TRIM36: variants seen among roughly 807,000 people sequenced by gnomAD.
The protein encoded by TRIM36 is E3 ubiquitin-protein ligase TRIM36.
Under a neutral mutation model 72.4 loss-of-function variants are expected in TRIM36, and 42 were observed. That is an observed-to-expected ratio of 0.58 (90% confidence interval 0.45 to 0.75). The LOEUF (loss-of-function observed/expected upper bound fraction) is 0.75. Ranked by LOEUF, TRIM36 falls within the 30% of genes least tolerant of loss-of-function variation. The probability of loss-of-function intolerance (pLI) is 0.00; values close to 1 mark genes in which losing one functional copy is unlikely to be tolerated. For synonymous variants in TRIM36, 315 were observed against 282.8 expected (o/e 1.11, Z -1.14); for missense variants, 913 against 857.1 (o/e 1.07, Z -0.81).
chr5:115,145,435 T>G (rs539159048), intron 3 of TRIM36, among the ~76,000 whole-genome samples: 1 of 152,224 alleles, frequency 6.6e-6, no homozygotes, highest in Non-Finnish European at 1.5e-5. Context: ...TAAGTTAGTA[T>G]GTTAATAAAA....
At chr5:115,157,431 G>A (rs1754234279) in intron 2 of TRIM36, among the ~76,000 whole-genome samples, 2 of 152,134 alleles carry the variant, frequency 1.3e-5, no homozygotes, top group Non-Finnish European at 2.9e-5. Context: ...AGATGTGGTG[G>A]TGCTCACTTG....
At chr5:115,165,110 G>A (rs1204922096) in intron 1 of TRIM36, among the ~76,000 whole-genome samples, 1 of 152,230 alleles carries the variant, frequency 6.6e-6, no homozygotes, top group African/African-American at 2.4e-5. Context: ...CCACCCCTGT[G>A]GCTTTGCAGG....
chr5:115,168,092 A>G (rs931276573), intron 1 of TRIM36, among the ~76,000 whole-genome samples: 3 of 152,052 alleles, frequency 2.0e-5, no homozygotes, highest in Non-Finnish European at 4.4e-5. Context: ...CGATCCAATC[A>G]CCTCCCACCA....
At position 115,137,446 on chromosome 5, in the gene TRIM36, A is replaced by G. The variant is rs777285356; in HGVS notation, c.1002T>C (p.Asn334=). The G allele has an allele frequency of 3.1e-6, 5 of 1,614,038 alleles. No homozygotes were observed. The highest frequency in any genetic ancestry group is 4.2e-6 in the Non-Finnish European group (5 of 1,180,034). The part of the protein sequence containing the change: ...MEEYQGLLEN[N]GLVGYAQEVL... Reference sequence around the variant, plus strand: ...CTTCTTGAGCATATCCCACAAGTCCATTGTTCTCTAGAAGTCCCTGGTACT... The same window carrying G: ...CTTCTTGAGCATATCCCACAAGTCCGTTGTTCTCTAGAAGTCCCTGGTACT... Residue 334 remains asparagine (N), a synonymous_variant, in exon 6 of 10, where the codon AAT becomes AAC. Coordinates refer to ENST00000513154, the MANE Select transcript of TRIM36 (RefSeq NM_001300759.2).
At position 115,133,851 on chromosome 5, in the gene TRIM36, T is replaced by G; in HGVS notation, c.1498+9A>C. 1.3e-6 allele frequency: 2 copies of G among 1,563,532 alleles called. No homozygotes were observed. Among genetic ancestry groups the G allele is most frequent in the Non-Finnish European group, 1.7e-6 (2 of 1,158,846 alleles). ...TCTATGCTTTTTTTATTCCTGATAT[T>G]CACCATACCTGGAGCTGGAGGAGTA... is the stretch of plus-strand genomic sequence containing the variant. On this transcript the variant is annotated intron_variant, in intron 8 of 9. Transcript: ENST00000513154.
intron 1 of TRIM36, chr5:115,177,316 T>C (rs1188891529): frequency 5.6e-6 from 1 of 178,164 alleles, no homozygotes; most frequent in Non-Finnish European, 1.2e-5. Context: ...AGTACAAGGA[T>C]GAAACAAATC....
At position 115,178,351 on chromosome 5, in the gene TRIM36, C is replaced by T. The variant is rs114600002; in HGVS notation, c.63+1624G>A. ...TCCTCCCTGCCCCCTAGCCCCTCAA[C>T]GTTCCCAAATAGATGCCCCTGTTAG... On this transcript the variant is annotated intron_variant, in intron 1 of 9. Coordinates refer to the TRIM36 transcript ENST00000282369. Among the ~76,000 whole-genome samples, 969 of 152,332 alleles carry T rather than the reference C, an allele frequency of 6.4e-3. 14 individuals are homozygous for T. Among genetic ancestry groups the T allele is most frequent in the African/African-American group, 0.022 (895 of 41,562 alleles).
chr5:115,134,381 A>C (rs1008427940), intron 7 of TRIM36, among the ~76,000 whole-genome samples: 50 of 152,222 alleles, frequency 3.3e-4, no homozygotes, highest in African/African-American at 1.2e-3. Flanking sequence ...AAAAAAGACA[A>C]AAACTGACTC....
chr5:115,126,939 G>C lies in TRIM36; in HGVS notation c.1797-82C>G, dbSNP rs973356008. ...ACATTTTCACAGGATAATATACATT[G>C]ATGTAAAGTTAAAATAGTTTTTACA... On this transcript the variant is annotated intron_variant, in intron 9 of 9. Transcript: ENST00000513154. The C allele has an allele frequency of 4.6e-6, 6 of 1,291,752 alleles. No individual in the cohort carries two copies. The African/African-American group carries it at 9.0e-5, about 19-fold the overall frequency. The allele number at this position is 1,291,752 out of a possible 1,614,324, so 80.0% of individuals were successfully genotyped here.
At chr5:115,158,757 G>A (rs1159880465) in intron 2 of TRIM36, among the ~76,000 whole-genome samples, 1 of 152,190 alleles carries the variant, frequency 6.6e-6, no homozygotes, top group Non-Finnish European at 1.5e-5. Context: ...CCAAAAATGG[G>A]TAGTAGCTTT....
chr5:115,147,275 T>A lies in TRIM36; in HGVS notation c.382A>T (p.Thr128Ser), dbSNP rs761862432. 6.2e-7 allele frequency: 1 copy of A among 1,614,196 alleles called. No homozygotes were observed. The highest frequency in any genetic ancestry group is 1.1e-5 in the South Asian group (1 of 91,080). ...NGLFRNFTLE[T>S]IVERYRQAAR... ...GCTTGACGATATCTTTCCACAATAG[T>A]TTCCAAAGTGAAGTTTCGAAACAGA... The change falls in exon 3 of 10, where the codon ACT (threonine) becomes TCT (serine). Residue 128 changes from threonine to serine, a missense_variant. Physicochemically the swap from Thr to Ser is moderately conservative, Grantham distance 58. Transcript: ENST00000513154.
chr5:115,152,990 C>A (rs1038802380), intron 2 of TRIM36, among the ~76,000 whole-genome samples: 13 of 152,056 alleles, frequency 8.5e-5, no homozygotes, highest in African/African-American at 3.1e-4. Flanking sequence ...AAACAAGGTA[C>A]ACAGGCAAAA....
Position 115,137,110 on chromosome 5 carries a change from G to A in TRIM36, c.1100C>T (p.Thr367Ile). Residue 367 changes from threonine (T) to isoleucine (I), a missense_variant, in exon 7 of 10, where the codon ACA (threonine) becomes ATA (isoleucine). Physicochemically the swap from Thr to Ile is moderately conservative, Grantham distance 89. Transcript: ENST00000513154. ...AGGTCTAAAGCTCTTCAAAGATTCT[G>A]TGGCTTTCTGTATTCTGCAGACAGA... The part of the protein sequence containing the change: ...KQLHLRIQKA[T>I]ESLKSFRPAA... The A allele has an allele frequency of 1.3e-6, 2 of 1,597,466 alleles. No individual in the cohort carries two copies. Among genetic ancestry groups the A allele is most frequent in the South Asian group, 2.3e-5 (2 of 86,962 alleles).
chr5:115,177,001 G>A (rs1755368914), intron 1 of TRIM36: 1 of 152,176 alleles, frequency 6.6e-6, no homozygotes, highest in Non-Finnish European at 1.5e-5. Flanking sequence ...TATTAAAGTA[G>A]CCATCACAAT....
At chr5:115,180,083 G>C in exon 1 of TRIM36, 2 of 1,566,714 alleles carry the variant, frequency 1.3e-6, no homozygotes, top group Non-Finnish European at 1.8e-6. Flanking sequence ...CGGGTGTATC[G>C]AATTTGTCCT....
upstream of TRIM36, among the ~76,000 whole-genome samples, chr5:115,172,949 T>G (rs1285328622): frequency 6.6e-6 from 1 of 152,226 alleles, no homozygotes; most frequent in Admixed American, 6.5e-5. Flanking sequence ...TATGTACATG[T>G]TATAGTTCTA....
chr5:115,177,535 G>C (rs1580720164), intron 1 of TRIM36: 1 of 1,369,520 alleles, frequency 7.3e-7, no homozygotes, highest in East Asian at 2.7e-5. Context: ...CAGTCTCAAA[G>C]GTCTGCTATT....
chr5:115,142,518 T>C (rs1204542432), intron 4 of TRIM36, among the ~76,000 whole-genome samples: 1 of 152,124 alleles, frequency 6.6e-6, no homozygotes, highest in Non-Finnish European at 1.5e-5. Context: ...CAGAGAAGAA[T>C]AGATGGCAGA....
chr5:115,159,594 T>G, intron 2 of TRIM36: 1 of 442,592 alleles, frequency 2.3e-6, no homozygotes, highest in Non-Finnish European at 4.5e-6. Context: ...AATTTAAATC[T>G]AACACTATAT....
Sources: gnomAD v4.1 joint callset for allele counts (sites outside exome capture counted in the v4.1 genomes callset) on GRCh38, gnomAD v4.1.1 for gene constraint, MANE v1.5 for transcripts, NCBI Gene and HGNC (gene_info 2026-07-23, HGNC 2026-07-21) for gene names.